The following ARHGEF37 variants were observed in gnomAD, a reference collection of about 807,000 sequenced individuals.
ARHGEF37 encodes Rho guanine nucleotide exchange factor 37.
A neutral mutation model predicts 71.1 loss-of-function variants in ARHGEF37; 55 were observed. The observed-to-expected ratio is 0.77, with a 90% confidence interval of 0.62 to 0.97. The LOEUF is 0.97. ARHGEF37 is among the 50% of genes least tolerant of loss of function. The probability of loss-of-function intolerance (pLI) is 0.00; values close to 1 mark genes in which losing one functional copy is unlikely to be tolerated. For synonymous variants in ARHGEF37, 327 were observed against 350.6 expected (o/e 0.93, Z 0.75); for missense variants, 765 against 836.8 (o/e 0.91, Z 1.06).
chr5:149,631,032 C>T (rs781131325), intron 12 of ARHGEF37, among the ~76,000 whole-genome samples: 8 of 152,172 alleles, frequency 5.3e-5, no homozygotes, highest in Non-Finnish European at 8.8e-5. Context: ...CTTCATTTTG[C>T]AGGTGGTAAA....
intron 1 of ARHGEF37, among the ~76,000 whole-genome samples, chr5:149,556,865 A>G (rs1167061916): frequency 6.6e-6 from 1 of 152,204 alleles, no homozygotes; most frequent in East Asian, 1.9e-4. Context: ...TCAGCATCAG[A>G]TAAGGGAATT....
chr5:149,603,875 G>A (rs1028332111), intron 3 of ARHGEF37, among the ~76,000 whole-genome samples: 1 of 152,372 alleles, frequency 6.6e-6, no homozygotes, highest in African/African-American at 2.4e-5. Flanking sequence ...GGCGGAGGTT[G>A]CAGGGAGCTG....
upstream of ARHGEF37, among the ~76,000 whole-genome samples, chr5:149,578,096 C>G (rs1241314284): frequency 6.6e-6 from 1 of 152,228 alleles, no homozygotes; most frequent in African/African-American, 2.4e-5. Context: ...CTCTGTGGAT[C>G]TGGCCACCTG....
chr5:149,552,683 C>T (rs1762696338), intron 1 of ARHGEF37, among the ~76,000 whole-genome samples: 1 of 152,010 alleles, frequency 6.6e-6, no homozygotes, highest in Non-Finnish European at 1.5e-5. Flanking sequence ...ACTAAAAATA[C>T]AAAAATTAGC....
At chr5:149,578,609 A>G (rs920340269), upstream of ARHGEF37, among the ~76,000 whole-genome samples, 6 of 152,266 alleles carry the variant, frequency 3.9e-5, no homozygotes, top group Admixed American at 2.6e-4. Context: ...CCCTGACAGT[A>G]TACTTTTGAA....
At chr5:149,562,164 A>G (rs944327510) in intron 1 of ARHGEF37, among the ~76,000 whole-genome samples, 7 of 151,810 alleles carry the variant, frequency 4.6e-5, no homozygotes, top group African/African-American at 9.7e-5. Flanking sequence ...CACCACTGCA[A>G]AAAGACTTTC....
chr5:149,629,737 T>C lies in ARHGEF37; in HGVS notation c.1818+771T>C, dbSNP rs1020238046. Among the ~76,000 whole-genome samples, 13 of 152,180 alleles carry C rather than the reference T, an allele frequency of 8.5e-5. 1 individual carries two copies. The highest frequency in any genetic ancestry group is 1.3e-4 in the Non-Finnish European group (9 of 68,020). On this transcript the variant is annotated intron_variant, in intron 12 of 12. Transcript: ENST00000333677. ...TCTCTGAAGAGCAATGGGCAGCATG[T>C]GTATGCGTGTTCATGGCGGCATTAT...
chr5:149,618,072 A>T lies in ARHGEF37; in HGVS notation c.659-104A>T, dbSNP rs1053685360. On this transcript the variant is annotated intron_variant, in intron 5 of 12. Transcript: ENST00000333677. ...CACTAACCTCATGAATGTGACCCTG[A>T]TGGAGCAGAGGGCCCAAGCAGGTGC... 3 of 1,491,512 alleles carry T rather than the reference A, an allele frequency of 2.0e-6. No individual in the cohort carries two copies. In the African/African-American group the frequency reaches 4.2e-5, roughly 21 times the overall value. 92.4% of individuals were successfully genotyped at this position (1,491,512 alleles called of 1,614,324 possible). A position where few individuals can be genotyped will look rare whatever the true frequency, so the allele number is the denominator to read the frequency against.
Position 149,560,467 on chromosome 5 carries a change from CT to C in ARHGEF37, c.-12+8347del, listed in dbSNP as rs202246758. On this transcript the variant is annotated intron_variant, in intron 1 of 2. Coordinates refer to the ARHGEF37 transcript ENST00000505810. ...TGGGAGAAGAGAAACCAAATTATCC[CT>C]TTAGTTGGGTATTTAAGGACAGGTT... 4.2e-3 allele frequency among the ~76,000 whole-genome samples: 643 copies of C among 152,192 alleles called. 2 individuals are homozygous for C. The highest frequency in any genetic ancestry group is 0.015 in the African/African-American group (609 of 41,504).
At chr5:149,626,356 G>A (rs1257700454) in intron 10 of ARHGEF37, among the ~76,000 whole-genome samples, 2 of 152,030 alleles carry the variant, frequency 1.3e-5, no homozygotes, top group African/African-American at 4.8e-5. Context: ...TGCAAAAAGA[G>A]GACAAGCATC....
At chr5:149,629,243 C>A (rs1024061799) in intron 12 of ARHGEF37, among the ~76,000 whole-genome samples, 1 of 145,550 alleles carries the variant, frequency 6.9e-6, no homozygotes, top group Non-Finnish European at 1.5e-5. Flanking sequence ...TTCATTCATT[C>A]ATTCAATATT....
At chr5:149,591,529 G>T (rs1421585454) in intron 1 of ARHGEF37, among the ~76,000 whole-genome samples, 13 of 152,212 alleles carry the variant, frequency 8.5e-5, no homozygotes, top group Non-Finnish European at 2.9e-5. Context: ...GATGATAGGT[G>T]TGAGACCATT....
At chr5:149,592,745 C>A (rs1164507005) in intron 1 of ARHGEF37, among the ~76,000 whole-genome samples, 1 of 151,906 alleles carries the variant, frequency 6.6e-6, no homozygotes, top group Non-Finnish European at 1.5e-5. Context: ...TTTACGTTTT[C>A]TTGTTTTTTT....
intron 1 of ARHGEF37, among the ~76,000 whole-genome samples, chr5:149,592,424 C>A (rs761281360): frequency 5.3e-5 from 8 of 152,148 alleles, no homozygotes; most frequent in Non-Finnish European, 1.2e-4. Flanking sequence ...GGCTTTTTTT[C>A]ACATAGCATC....
At chr5:149,625,856 A>G (rs1449903382) in intron 10 of ARHGEF37, among the ~76,000 whole-genome samples, 2 of 152,104 alleles carry the variant, frequency 1.3e-5, no homozygotes, top group Non-Finnish European at 2.9e-5. Context: ...CCCGGACAGA[A>G]GCAGCCCTCA....
intron 1 of ARHGEF37, among the ~76,000 whole-genome samples, chr5:149,568,772 A>G (rs1265631512): frequency 6.7e-6 from 1 of 148,458 alleles, no homozygotes. Flanking sequence ...AGATTGTGCC[A>G]TTACACTCCA....
chr5:149,619,860 A>T (rs538555648), intron 7 of ARHGEF37, among the ~76,000 whole-genome samples: 2 of 152,320 alleles, frequency 1.3e-5, no homozygotes, highest in Admixed American at 1.3e-4. Flanking sequence ...ACTTGAGGTC[A>T]GGAGTTCAAG....
At chr5:149,607,087 G>C (rs572529543) in intron 3 of ARHGEF37, among the ~76,000 whole-genome samples, 10 of 152,244 alleles carry the variant, frequency 6.6e-5, no homozygotes, top group South Asian at 4.2e-4. Context: ...TTTTTTAGTA[G>C]AGACGGGGTT....
At chr5:149,608,291 GTAATATGACATA>G in intron 3 of ARHGEF37, among the ~76,000 whole-genome samples, 1 of 1,648 alleles carries the variant, frequency 6.1e-4, no homozygotes, top group Non-Finnish European at 2.3e-3. Flanking sequence ...TATTACATAT[GTAATATGACATA>G]TATAATAAAT....
Sources: allele counts gnomAD v4.1 joint callset (sites outside exome capture counted in the v4.1 genomes callset), GRCh38; gene constraint gnomAD v4.1.1; transcripts MANE v1.5; gene names NCBI Gene and HGNC (gene_info 2026-07-23, HGNC 2026-07-21).